LRGUK: variants seen among roughly 807,000 people sequenced by gnomAD.
The protein encoded by LRGUK is leucine-rich repeat and guanylate kinase domain-containing protein.
In LRGUK, 65 loss-of-function variants were observed where a neutral mutation model predicts 76.0. The observed-to-expected ratio is 0.85, with a 90% CI of 0.70 to 1.05. The LOEUF is 1.05. Ranked by LOEUF, LRGUK falls within the 50% of genes least tolerant of loss-of-function variation. The pLI is 0.00. For synonymous variants in LRGUK, 268 were observed against 265.6 expected, an observed-to-expected ratio of 1.01 and a Z score of -0.09; for missense variants, 758 against 732.8, an observed-to-expected ratio of 1.03 and a Z score of -0.40.
At chr7:134,152,145 T>A (rs1293682096) in intron 5 of LRGUK, among the ~76,000 whole-genome samples, 1 of 151,986 alleles carries the variant, frequency 6.6e-6, no homozygotes, top group Admixed American at 6.5e-5. Context: ...TATTAAAAAT[T>A]TGCTATAAAG....
chr7:134,223,435 G>A (rs1303740843), intron 16 of LRGUK, among the ~76,000 whole-genome samples: 1 of 152,230 alleles, frequency 6.6e-6, no homozygotes, highest in African/African-American at 2.4e-5. Flanking sequence ...GCAGCAGGGG[G>A]TAGGTGGGTG....
intron 16 of LRGUK, among the ~76,000 whole-genome samples, chr7:134,225,794 G>T (rs1801727037): frequency 6.6e-6 from 1 of 152,144 alleles, no homozygotes. Context: ...TTGCACAGCT[G>T]GTATAATGCT....
intron 11 of LRGUK, among the ~76,000 whole-genome samples, chr7:134,189,993 G>A (rs932439201): frequency 2.6e-5 from 4 of 152,136 alleles, no homozygotes; most frequent in East Asian, 1.9e-4. Context: ...AGCCTTTCGA[G>A]GTTGGAACTT....
chr7:134,268,512 G>C (rs949652695), downstream of LRGUK, among the ~76,000 whole-genome samples: 3 of 151,908 alleles, frequency 2.0e-5, no homozygotes, highest in African/African-American at 7.2e-5. Context: ...ATTTGAAAAA[G>C]AATCTCCAAG....
At chr7:134,208,899 C>T in exon 16 of LRGUK, 1 of 399,044 alleles carries the variant, frequency 2.5e-6, no homozygotes, top group Non-Finnish European at 4.4e-6. Flanking sequence ...GATGGAGAAA[C>T]CCATCAAAAA....
intron 5 of LRGUK, among the ~76,000 whole-genome samples, chr7:134,153,959 C>G (rs1416359606): frequency 6.6e-6 from 1 of 152,174 alleles, no homozygotes; most frequent in East Asian, 1.9e-4. Context: ...AAATACTGAA[C>G]TAGTGAATAA....
chr7:134,170,587 C>G (rs143151182), intron 7 of LRGUK, among the ~76,000 whole-genome samples: 1,777 of 152,000 alleles, frequency 0.012, 25 homozygotes, highest in African/African-American at 0.035. Flanking sequence ...TGATGGATAC[C>G]CCAGTTACCC....
At chr7:134,265,068 G>T (rs558433614), downstream of LRGUK, among the ~76,000 whole-genome samples, 1 of 152,058 alleles carries the variant, frequency 6.6e-6, no homozygotes, top group African/African-American at 2.4e-5. Context: ...AGGGTGGAGC[G>T]GGGGGACCAT....
At chr7:134,274,581 T>C in the LRGUK span, among the ~76,000 whole-genome samples, 1 of 149,702 alleles carries the variant, frequency 6.7e-6, no homozygotes, top group East Asian at 1.9e-4. Flanking sequence ...TAGTACCTAA[T>C]TATAATTGTG....
At chr7:134,200,437 T>C (rs948339102) in intron 14 of LRGUK, among the ~76,000 whole-genome samples, 2 of 152,134 alleles carry the variant, frequency 1.3e-5, no homozygotes, top group African/African-American at 4.8e-5. Context: ...AGACATACAG[T>C]TACTGAAAAA....
intron 16 of LRGUK, among the ~76,000 whole-genome samples, chr7:134,245,695 G>A (rs1802283032): frequency 6.6e-6 from 1 of 152,092 alleles, no homozygotes; most frequent in South Asian, 2.1e-4. Flanking sequence ...ATAAATAAGG[G>A]AAAAAGTAAG....
At chr7:134,161,014 G>A (rs1419436429) in intron 6 of LRGUK, among the ~76,000 whole-genome samples, 1 of 152,006 alleles carries the variant, frequency 6.6e-6, no homozygotes, top group African/African-American at 2.4e-5. Context: ...ATGACAGTAG[G>A]CTATCTAATT....
At chr7:134,192,450 G>A (rs1800296363) in intron 12 of LRGUK, among the ~76,000 whole-genome samples, 1 of 152,134 alleles carries the variant, frequency 6.6e-6, no homozygotes. Flanking sequence ...GAACAATCTT[G>A]TTTAAGTTTT....
chr7:134,136,950 G>A, intron 1 of LRGUK, 73 bp from the exon 2 acceptor site: 1 of 1,242,212 alleles, frequency 8.1e-7, no homozygotes, highest in Non-Finnish European at 1.2e-6. Context: ...AATAAGTGCT[G>A]GATATGACAA....
rs554845229 is a variant in LRGUK at position 134,163,636 on chromosome 7, C to T, written c.939+96C>T. 2.7e-4 allele frequency: 293 copies of T among 1,094,254 alleles called. 2 individuals carry two copies. In the African/African-American group the frequency reaches 4.1e-3, roughly 15 times the overall value. 67.8% of individuals were successfully genotyped at this position (1,094,254 alleles called of 1,614,324 possible). A position where few individuals can be genotyped will look rare whatever the true frequency, so the allele number is the denominator to read the frequency against. The stretch of plus-strand genomic sequence containing the variant: ...CCCTTCATTTTTGGTTTCTTAAGGG[C>T]GGACACATTAAATGTCAGCTTAGAA... On this transcript the variant is annotated intron_variant, in intron 7 of 15. Coordinates refer to ENST00000645682, the Ensembl canonical transcript of LRGUK.
intron 16 of LRGUK, among the ~76,000 whole-genome samples, chr7:134,226,218 A>G (rs866444278): frequency 1.9e-4 from 27 of 141,796 alleles, no homozygotes; most frequent in Non-Finnish European, 2.4e-4. Flanking sequence ...CCCATCTCCA[A>G]TGTGTGTGTG....
chr7:134,142,736 G>A (rs1797817019), intron 3 of LRGUK, among the ~76,000 whole-genome samples: 1 of 152,202 alleles, frequency 6.6e-6, no homozygotes, highest in Non-Finnish European at 1.5e-5. Context: ...GGCAAGTTTT[G>A]TAGCATTTCA....
chr7:134,218,402 T>A (rs976957248), intron 15 of LRGUK, among the ~76,000 whole-genome samples: 7 of 152,218 alleles, frequency 4.6e-5, no homozygotes, highest in African/African-American at 1.7e-4. Context: ...AGGTTTTATT[T>A]AAATGTCAAA....
intron 2 of LRGUK, among the ~76,000 whole-genome samples, chr7:134,138,933 A>G (rs16874410): frequency 0.13 from 20,008 of 152,168 alleles, 1,616 homozygotes; most frequent in East Asian, 0.33. Context: ...TGCCCTACAG[A>G]TTTCACAGGT....
Sources: allele counts gnomAD v4.1 joint callset (sites outside exome capture counted in the v4.1 genomes callset), GRCh38; gene constraint gnomAD v4.1.1; transcripts MANE v1.5; gene names NCBI Gene and HGNC (gene_info 2026-07-23, HGNC 2026-07-21).